The following ELFN2 variants were observed in gnomAD, a reference collection of about 807,000 sequenced individuals.
The protein encoded by ELFN2 is protein phosphatase 1 regulatory subunit 29.
In ELFN2, 17 loss-of-function variants were observed where a neutral mutation model predicts 45.5. That is an observed-to-expected ratio of 0.37 (90% CI 0.26 to 0.56). The LOEUF is 0.56. Ranked by LOEUF, ELFN2 falls within the 20% of genes least tolerant of loss-of-function variation. The probability of loss-of-function intolerance (pLI) is 0.77; values close to 1 mark genes in which losing one functional copy is unlikely to be tolerated. For missense variants in ELFN2, 922 were observed against 1,183.2 expected (o/e 0.78, Z 3.24); for synonymous variants, 550 against 551.5 (o/e 1.00, Z 0.04).
intron 1 of ELFN2, among the ~76,000 whole-genome samples, chr22:37,362,823 C>T (rs1204155457): frequency 6.6e-6 from 1 of 152,222 alleles, no homozygotes; most frequent in Non-Finnish European, 1.5e-5. Context: ...CCCTGCCAAA[C>T]CCTCTTAAAG....
chr22:37,382,722 T>C (rs770937896), intron 2 of ELFN2, among the ~76,000 whole-genome samples: 1 of 152,028 alleles, frequency 6.6e-6, no homozygotes, highest in African/African-American at 2.4e-5. Context: ...GCTAATTGTT[T>C]TGTATTTTTG....
intron 1 of ELFN2, among the ~76,000 whole-genome samples, chr22:37,425,403 G>A (rs919203346): frequency 1.3e-5 from 2 of 152,170 alleles, no homozygotes; most frequent in African/African-American, 4.8e-5. Context: ...GGGAAAGGCG[G>A]CCTCTTGGGA....
intron 2 of ELFN2, among the ~76,000 whole-genome samples, chr22:37,398,109 T>C (rs1449225893): frequency 6.6e-6 from 1 of 151,942 alleles, no homozygotes; most frequent in Non-Finnish European, 1.5e-5. Context: ...GGAGGCTGAG[T>C]CTAACAGGGT....
chr22:37,344,566 A>G (rs1930650757), intron 1 of ELFN2, among the ~76,000 whole-genome samples: 1 of 151,804 alleles, frequency 6.6e-6, no homozygotes. Flanking sequence ...GAGTCTTGGG[A>G]ACACATTCCT....
chr22:37,419,197 C>A (rs182642319), intron 1 of ELFN2, among the ~76,000 whole-genome samples: 3 of 152,046 alleles, frequency 2.0e-5, no homozygotes, highest in Admixed American at 2.0e-4. Context: ...TCCCTCACCC[C>A]CTCCCAAAGG....
intron 2 of ELFN2, among the ~76,000 whole-genome samples, chr22:37,405,576 C>T (rs1010343851): frequency 6.6e-6 from 1 of 151,912 alleles, no homozygotes; most frequent in Non-Finnish European, 1.5e-5. Flanking sequence ...TCCCAGTGAC[C>T]CAAGAAGGGG....
chr22:37,410,629 G>A (rs528112716), intron 2 of ELFN2, among the ~76,000 whole-genome samples: 34 of 152,274 alleles, frequency 2.2e-4, no homozygotes, highest in African/African-American at 7.0e-4. Context: ...GGAGAGGGAC[G>A]AGCCGGGCAC....
At chr22:37,357,451 T>C (rs1930978360) in intron 1 of ELFN2, among the ~76,000 whole-genome samples, 1 of 152,348 alleles carries the variant, frequency 6.6e-6, no homozygotes, top group South Asian at 2.1e-4. Flanking sequence ...TTTTTATGGC[T>C]TCATCTAAGA....
At chr22:37,363,153 C>T (rs1423550591), downstream of ELFN2, among the ~76,000 whole-genome samples, 1 of 152,198 alleles carries the variant, frequency 6.6e-6, no homozygotes, top group Non-Finnish European at 1.5e-5. Context: ...TGGTCTGCAG[C>T]CCTCCTGACA....
Position 37,375,011 on chromosome 22 carries a change from G to A in ELFN2, c.524C>T (p.Ala175Val). Reference sequence around the variant, plus strand: ...GGCCAGCTCACACACCATCAGGCTGGCGAGGCTGGCAAAGGTGGCACCGTC... The same window carrying A: ...GGCCAGCTCACACACCATCAGGCTGACGAGGCTGGCAAAGGTGGCACCGTC... ...RLDGATFASL[A>V]SLMVCELAGN... Residue 175 changes from alanine (A) to valine (V), a missense_variant, in exon 3 of 3, where the codon GCC becomes GTC. Ala to Val is a moderately conservative substitution (Grantham distance 64). Around this residue, in one of 2 missense-constraint regions of ELFN2, gnomAD observed 358 missense variants for 540.4 expected, o/e 0.66. Transcript: ENST00000402918. 6.2e-7 allele frequency: 1 copy of A among 1,613,508 alleles called. No homozygotes were observed. Among genetic ancestry groups the A allele is most frequent in the Non-Finnish European group, 8.5e-7 (1 of 1,180,022 alleles).
At chr22:37,364,746 G>T (rs1931163890), downstream of ELFN2, among the ~76,000 whole-genome samples, 1 of 152,318 alleles carries the variant, frequency 6.6e-6, no homozygotes, top group East Asian at 1.9e-4. Context: ...AAGAGGGGTT[G>T]GTAGCAGTTG....
rs566242293 is a variant in ELFN2 at position 37,417,544 on chromosome 22, G to A, written c.-463+225C>T. On this transcript the variant is annotated intron_variant, in intron 2 of 2. Coordinates refer to ENST00000402918, the MANE Select transcript of ELFN2 (RefSeq NM_052906.5). This position sits in a 1 kb window ranked among gnomAD's most constrained non-coding sequence, Gnocchi z 4.5. Reference sequence around the variant, plus strand: ...CCTGCCCACCCTCCCCAGTGGGCTTGTCTTAGCCCCCAACAGGCCTGCCGC... The same window carrying A: ...CCTGCCCACCCTCCCCAGTGGGCTTATCTTAGCCCCCAACAGGCCTGCCGC... 2.6e-5 allele frequency among the ~76,000 whole-genome samples: 4 copies of A among 152,186 alleles called. No individual in the cohort carries two copies. The highest frequency in any genetic ancestry group is 7.2e-5 in the African/African-American group (3 of 41,452).
intron 2 of ELFN2, among the ~76,000 whole-genome samples, chr22:37,387,198 T>C (rs1299645224): frequency 6.6e-6 from 1 of 152,172 alleles, no homozygotes; most frequent in Non-Finnish European, 1.5e-5. Context: ...CCCTCTCTGA[T>C]GTCCAGGCCC....
intron 1 of ELFN2, 155 bp downstream of exon 1, chr22:37,427,143 C>T (rs921427472): frequency 2.0e-5 from 3 of 152,164 alleles, no homozygotes; most frequent in Non-Finnish European, 2.9e-5. Context: ...CCAGGAGACA[C>T]TGGGGGTGGC....
chr22:37,380,650 G>A lies in ELFN2; in HGVS notation c.-462-4654C>T, dbSNP rs147987746. On this transcript the variant is annotated intron_variant, in intron 2 of 2. Transcript: ENST00000402918. ...GCCAGGCTGGCCAAGGCTCCCGGAG[G>A]TGTCATTGTCACCATCCGTGTCATT... is the stretch of plus-strand genomic sequence containing the variant. Among the ~76,000 whole-genome samples, 293 of 152,302 alleles carry A rather than the reference G, an allele frequency of 1.9e-3. 2 individuals carry two copies. The highest frequency in any genetic ancestry group is 3.4e-3 in the Middle Eastern group (1 of 294).
rs760924048 is a variant in ELFN2 at position 37,374,152 on chromosome 22, C to T, written c.1383G>A (p.Glu461=). 1.2e-6 allele frequency: 2 copies of T among 1,613,088 alleles called. No homozygotes were observed. Among genetic ancestry groups the T allele is most frequent in the South Asian group, 1.1e-5 (1 of 91,086 alleles). Reference sequence around the variant, plus strand: ...TGCGAGATACGGGCAGCACGGGAGGCTCGCCCAGCTTCTGGGCGGCGTGCA... The same window carrying T: ...TGCGAGATACGGGCAGCACGGGAGGTTCGCCCAGCTTCTGGGCGGCGTGCA... ...SIVHAAQKLG[E]PPVLPVSRMA... is the part of the protein sequence containing the mutation. The change falls in exon 3 of 3, where the codon GAG becomes GAA. Residue 461 remains glutamate (E), a synonymous_variant. Transcript: ENST00000402918.
intron 2 of ELFN2, among the ~76,000 whole-genome samples, chr22:37,402,676 G>A (rs76483701): frequency 0.021 from 3,193 of 152,210 alleles, 118 homozygotes; most frequent in African/African-American, 0.071. Context: ...GTGCCACCAC[G>A]ACAGGTTCAG....
At chr22:37,344,236 G>A (rs78957139) in intron 1 of ELFN2, among the ~76,000 whole-genome samples, 5 of 116,078 alleles carry the variant, frequency 4.3e-5, no homozygotes, top group Non-Finnish European at 8.9e-5. Context: ...ACCTGCCCAT[G>A]CCCACCTGCC....
intron 2 of ELFN2, among the ~76,000 whole-genome samples, chr22:37,391,595 A>T (rs560552331): frequency 6.6e-6 from 1 of 152,338 alleles, no homozygotes; most frequent in East Asian, 1.9e-4. Flanking sequence ...AAAGTGGCTC[A>T]GCACCCATGA....
Sources: allele counts gnomAD v4.1 joint callset (sites outside exome capture counted in the v4.1 genomes callset), GRCh38; gene constraint gnomAD v4.1.1; regional missense constraint gnomAD v4.1.1; non-coding constraint Gnocchi (gnomAD v3.1); transcripts MANE v1.5; gene names NCBI Gene and HGNC (gene_info 2026-07-23, HGNC 2026-07-21).